Variants in ADAMTSL1 observed in about 807,000 individuals in gnomAD.
The protein encoded by ADAMTSL1 is ADAMTS-like protein 1.
A neutral mutation model predicts 201.8 loss-of-function variants in ADAMTSL1; 126 were observed. The ratio of observed to expected loss-of-function variants is 0.62; its 90% CI spans 0.54 to 0.72. The LOEUF is 0.72. Ranked by LOEUF, ADAMTSL1 falls within the 30% of genes least tolerant of loss-of-function variation. The probability of loss-of-function intolerance (pLI) is 0.00; values close to 1 mark genes in which losing one functional copy is unlikely to be tolerated. For missense variants in ADAMTSL1, 2,679 were observed against 2,277.8 expected (o/e 1.18, Z -3.59); for synonymous variants, 1,121 against 903.4 (o/e 1.24, Z -4.32).
chr9:18,834,757 A>C (rs533728061), intron 23 of ADAMTSL1, among the ~76,000 whole-genome samples: 59 of 152,228 alleles, frequency 3.9e-4, no homozygotes, highest in African/African-American at 1.3e-3. Context: ...TATTTCTTTC[A>C]CTCAGAATAA....
At chr9:18,310,399 A>AAAAAAAAAAAAAAAAAAAAAAAAAC (rs1440483712) in intron 2 of ADAMTSL1, among the ~76,000 whole-genome samples, 12 of 127,322 alleles carry the variant, frequency 9.4e-5, no homozygotes, top group Non-Finnish European at 1.7e-4. Flanking sequence ...AAAAAAAAAA[A>AAAAAAAAAAAAAAAAAAAAAAAAAC]CTATCTTCAG....
chr9:18,496,737 C>G (rs1291598728), intron 1 of ADAMTSL1, among the ~76,000 whole-genome samples: 4 of 152,176 alleles, frequency 2.6e-5, no homozygotes, highest in Non-Finnish European at 5.9e-5. Context: ...CTCTATGATT[C>G]CAAACCCCAA....
intron 26 of ADAMTSL1, among the ~76,000 whole-genome samples, chr9:18,903,472 GAC>G (rs1464397330): frequency 2.0e-5 from 3 of 152,170 alleles, no homozygotes; most frequent in African/African-American, 7.2e-5. Context: ...CTAGAGAGTA[GAC>G]ACAAAGTAGG....
intron 1 of ADAMTSL1, among the ~76,000 whole-genome samples, chr9:17,913,056 T>A (rs1825953098): frequency 6.6e-6 from 1 of 152,198 alleles, no homozygotes; most frequent in Non-Finnish European, 1.5e-5. Context: ...TTGATCTATA[T>A]CTCTGTTTTG....
intron 1 of ADAMTSL1, among the ~76,000 whole-genome samples, chr9:18,058,464 G>T (rs1822294932): frequency 6.6e-6 from 1 of 152,058 alleles, no homozygotes; most frequent in African/African-American, 2.4e-5. Context: ...ACATCGCATT[G>T]ACATGTATAC....
At chr9:17,939,400 T>G (rs181613558) in intron 1 of ADAMTSL1, among the ~76,000 whole-genome samples, 3 of 152,178 alleles carry the variant, frequency 2.0e-5, no homozygotes, top group East Asian at 1.9e-4. Flanking sequence ...CCATTTTTTT[T>G]GGGTCATGAA....
chr9:18,625,462 A>G (rs533281892), intron 5 of ADAMTSL1, among the ~76,000 whole-genome samples: 7 of 152,264 alleles, frequency 4.6e-5, no homozygotes, highest in African/African-American at 1.7e-4. Flanking sequence ...ATTGCCTAAT[A>G]CAAATACAGA....
intron 1 of ADAMTSL1, 147 bp downstream of exon 1, chr9:18,474,442 A>T: frequency 1.2e-6 from 1 of 843,924 alleles, no homozygotes; most frequent in Non-Finnish European, 1.9e-6. Context: ...ACAAAGAGAG[A>T]ATACTCCTTC....
At chr9:18,782,864 C>T (rs1224726967) in intron 19 of ADAMTSL1, among the ~76,000 whole-genome samples, 2 of 152,144 alleles carry the variant, frequency 1.3e-5, no homozygotes, top group African/African-American at 4.8e-5. Flanking sequence ...GTTGAAAGAA[C>T]TCAAAAGAAG....
chr9:18,799,777 T>C (rs1445451597), intron 20 of ADAMTSL1, among the ~76,000 whole-genome samples: 1 of 152,208 alleles, frequency 6.6e-6, no homozygotes, highest in Non-Finnish European at 1.5e-5. Context: ...GAATAACTGA[T>C]ACACATTGTG....
intron 1 of ADAMTSL1, among the ~76,000 whole-genome samples, chr9:17,932,994 G>T (rs1826859654): frequency 6.6e-6 from 1 of 152,102 alleles, no homozygotes; most frequent in African/African-American, 2.4e-5. Context: ...GTCCATCATG[G>T]TTACAAAGTG....
chr9:18,433,558 G>A (rs555186021), intron 2 of ADAMTSL1, among the ~76,000 whole-genome samples: 2 of 152,216 alleles, frequency 1.3e-5, no homozygotes, highest in African/African-American at 2.4e-5. Flanking sequence ...CTTAATATAT[G>A]TAAAGATGGT....
In ADAMTSL1 at chr9:17,927,401, T is replaced by C. The variant is rs1252449571; in HGVS notation, c.87+20479T>C. Among the ~76,000 whole-genome samples the C allele has an allele frequency of 2.0e-5, 3 of 152,102 alleles. No individual in the cohort carries two copies. The East Asian group carries it at 5.8e-4, about 29-fold the overall frequency. On this transcript the variant is annotated intron_variant, in intron 1 of 29. Transcript: ENST00000680146. ...ACATGCACACATATACGTACATATA[T>C]ACATATGTATGTGTATATACATGTA...
chr9:18,871,086 A>G (rs1275057259), intron 23 of ADAMTSL1, among the ~76,000 whole-genome samples: 1 of 152,190 alleles, frequency 6.6e-6, no homozygotes, highest in Non-Finnish European at 1.5e-5. Context: ...CCATGGCATT[A>G]AATGTAATAT....
intron 1 of ADAMTSL1, among the ~76,000 whole-genome samples, chr9:18,500,001 C>G (rs546833751): frequency 2.0e-5 from 3 of 152,116 alleles, no homozygotes; most frequent in Non-Finnish European, 2.9e-5. Flanking sequence ...TCTTTTATTG[C>G]TAATTTCTGC....
At chr9:18,616,024 A>G (rs1375576707) in intron 4 of ADAMTSL1, among the ~76,000 whole-genome samples, 2 of 152,050 alleles carry the variant, frequency 1.3e-5, no homozygotes, top group Admixed American at 1.3e-4. Flanking sequence ...TTGGCTTCTT[A>G]AAAATTGCTT....
intron 3 of ADAMTSL1, among the ~76,000 whole-genome samples, chr9:18,543,888 A>G (rs1314235521): frequency 1.3e-5 from 2 of 151,634 alleles, no homozygotes; most frequent in Non-Finnish European, 1.5e-5. Flanking sequence ...TTTCTTTTTT[A>G]ATGCTTTTTC....
chr9:18,313,165 C>T (rs2132805105), intron 2 of ADAMTSL1, among the ~76,000 whole-genome samples: 1 of 152,296 alleles, frequency 6.6e-6, no homozygotes, highest in South Asian at 2.1e-4. Flanking sequence ...TGGGGTAAGG[C>T]CCAATAACTT....
chr9:17,988,072 G>T lies in ADAMTSL1; in HGVS notation c.87+81150G>T, dbSNP rs945808823. On this transcript the variant is annotated intron_variant, in intron 1 of 29. Coordinates refer to the ADAMTSL1 transcript ENST00000680146. The stretch of plus-strand genomic sequence containing the variant: ...GAATTTGTGTTGCCTGGTGTTGATT[G>T]CTGGTTCCACTATTCTGACATTTAT... Among the ~76,000 whole-genome samples the T allele has an allele frequency of 8.5e-5, 13 of 152,164 alleles. 1 individual carries two copies. Among genetic ancestry groups the T allele is most frequent in the Admixed American group, 7.2e-4 (11 of 15,268 alleles).
Sources: gnomAD v4.1 joint callset for allele counts (sites outside exome capture counted in the v4.1 genomes callset) on GRCh38, gnomAD v4.1.1 for gene constraint, MANE v1.5 for transcripts, NCBI Gene and HGNC (gene_info 2026-07-23, HGNC 2026-07-21) for gene names.